PDE1C: variants seen among roughly 807,000 people sequenced by gnomAD.
PDE1C encodes phosphodiesterase 1C, also known as dual specificity calcium/calmodulin-dependent 3',5'-cyclic nucleotide phosphodiesterase 1C.
A neutral mutation model predicts 93.1 loss-of-function variants in PDE1C; 62 were observed. The observed-to-expected ratio is 0.67, with a 90% CI of 0.54 to 0.82. The LOEUF is 0.82. Among genes scored for constraint, PDE1C ranks in the 40% least tolerant of loss-of-function variants. The probability of loss-of-function intolerance (pLI) is 0.00; values close to 1 mark genes in which losing one functional copy is unlikely to be tolerated. For missense variants in PDE1C, 742 were observed against 884.6 expected (o/e 0.84, Z 2.04); for synonymous variants, 325 against 310.1 (o/e 1.05, Z -0.50).
At chr7:31,679,711 C>T in the PDE1C span, among the ~76,000 whole-genome samples, 29 of 152,290 alleles carry the variant, frequency 1.9e-4, no homozygotes, top group Non-Finnish European at 2.2e-4. Flanking sequence ...CCCCCATAAA[C>T]GGTGCGTTGT....
At chr7:31,811,512 A>T (rs534742876) in intron 15 of PDE1C, among the ~76,000 whole-genome samples, 1 of 152,060 alleles carries the variant, frequency 6.6e-6, no homozygotes, top group Admixed American at 6.6e-5. Context: ...GTCCCACAAA[A>T]CAGTCCAAAT....
intron 3 of PDE1C, among the ~76,000 whole-genome samples, chr7:32,097,498 T>C (rs1797812331): frequency 1.3e-5 from 2 of 152,164 alleles, no homozygotes; most frequent in South Asian, 4.1e-4. Flanking sequence ...AGCAATTTTG[T>C]CTGCTGCCCA....
the PDE1C span, among the ~76,000 whole-genome samples, chr7:31,723,512 G>A: frequency 7.0e-4 from 107 of 152,286 alleles, 1 homozygote; most frequent in Non-Finnish European, 1.0e-3. Context: ...GCCTGTGAAA[G>A]TCCCTTTATT....
At chr7:31,747,517 T>G (rs1794030965), downstream of PDE1C, among the ~76,000 whole-genome samples, 2 of 152,192 alleles carry the variant, frequency 1.3e-5, no homozygotes, top group South Asian at 4.1e-4. Flanking sequence ...TGATGAGTTC[T>G]TCCTACCTCC....
intron 2 of PDE1C, among the ~76,000 whole-genome samples, chr7:31,918,171 A>G (rs773869204): frequency 3.3e-5 from 5 of 152,180 alleles, no homozygotes; most frequent in Non-Finnish European, 5.9e-5. Context: ...AATGATAGAT[A>G]TCAATTAAAT....
intron 2 of PDE1C, among the ~76,000 whole-genome samples, chr7:31,958,807 T>C (rs1374424007): frequency 6.6e-6 from 1 of 152,172 alleles, no homozygotes; most frequent in Non-Finnish European, 1.5e-5. Flanking sequence ...CAAAGAAATC[T>C]TCCCCTGGAT....
At chr7:31,787,855 C>T (rs1476745998) in intron 16 of PDE1C, 1 of 152,184 alleles carries the variant, frequency 6.6e-6, no homozygotes, top group Non-Finnish European at 1.5e-5. Context: ...AATGTTTTAT[C>T]AGCTCCAGTA....
chr7:32,341,550 AAAC>A (rs1369187828), intron 1 of PDE1C, among the ~76,000 whole-genome samples: 12 of 152,154 alleles, frequency 7.9e-5, no homozygotes, highest in South Asian at 6.2e-4. Flanking sequence ...GAAAGAGCCC[AAAC>A]AACAGGCTAT....
At chr7:31,686,359 C>T in the PDE1C span, among the ~76,000 whole-genome samples, 30 of 152,170 alleles carry the variant, frequency 2.0e-4, no homozygotes, top group East Asian at 9.6e-4. Context: ...GCATGTCTCC[C>T]GCCTCTCCCA....
At chr7:31,761,576 G>C (rs1794835366) in intron 17 of PDE1C, among the ~76,000 whole-genome samples, 1 of 152,172 alleles carries the variant, frequency 6.6e-6, no homozygotes, top group Admixed American at 6.6e-5. Context: ...AGTCTAGCCA[G>C]GCAAGCTCCA....
chr7:32,136,300 C>G (rs1800204580), intron 3 of PDE1C, among the ~76,000 whole-genome samples: 1 of 152,076 alleles, frequency 6.6e-6, no homozygotes, highest in African/African-American at 2.4e-5. Flanking sequence ...TATAAAATCT[C>G]TATCTGACAG....
intron 2 of PDE1C, among the ~76,000 whole-genome samples, chr7:31,969,780 G>A (rs1460261195): frequency 6.6e-6 from 1 of 152,136 alleles, no homozygotes; most frequent in Non-Finnish European, 1.5e-5. Flanking sequence ...AAGAAAATGT[G>A]GCACATATAC....
At chr7:31,628,403 C>G in the PDE1C span, among the ~76,000 whole-genome samples, 1 of 152,014 alleles carries the variant, frequency 6.6e-6, no homozygotes, top group Non-Finnish European at 1.5e-5. Context: ...AATCCCACAT[C>G]TGTCCCCCAG....
chr7:31,919,304 A>G (rs1802322298), intron 2 of PDE1C, among the ~76,000 whole-genome samples: 2 of 152,308 alleles, frequency 1.3e-5, no homozygotes, highest in Admixed American at 1.3e-4. Flanking sequence ...CACCTCTGCC[A>G]CTGACGAGAT....
intron 1 of PDE1C, among the ~76,000 whole-genome samples, chr7:32,244,962 A>G (rs4995487): frequency 5.3e-5 from 8 of 152,256 alleles, no homozygotes; most frequent in Admixed American, 2.6e-4. Flanking sequence ...GTCCCTGGGA[A>G]GGCCCAGCTA....
intron 2 of PDE1C, among the ~76,000 whole-genome samples, chr7:31,996,895 AGAT>A (rs1784793964): frequency 6.6e-6 from 1 of 152,242 alleles, no homozygotes; most frequent in Non-Finnish European, 1.5e-5. Flanking sequence ...CAGATATCAG[AGAT>A]GAGAATTACT....
At chr7:32,410,712 T>C (rs1460543138) in intron 1 of PDE1C, among the ~76,000 whole-genome samples, 1 of 152,166 alleles carries the variant, frequency 6.6e-6, no homozygotes, top group African/African-American at 2.4e-5. Flanking sequence ...ATTTCTTCCC[T>C]GCTCCTCCGC....
Position 32,044,517 on chromosome 7 carries a change from G to A in PDE1C, c.128+7037C>T, listed in dbSNP as rs547667511. On this transcript the variant is annotated intron_variant, in intron 2 of 17. Transcript: ENST00000396191. ...CATAGAAGGCACAATCAGAGGAGCT[G>A]TGGAGAAAGTAATCAGACATAGGTA... Among the ~76,000 whole-genome samples, 3 of 152,270 alleles carry A rather than the reference G, an allele frequency of 2.0e-5. No homozygotes were observed. In the South Asian group the frequency reaches 6.2e-4, roughly 32 times the overall value.
intron 6 of PDE1C, 106 bp from the exon 7 acceptor site, chr7:31,865,188 T>C (rs2128839730): frequency 1.9e-6 from 2 of 1,031,194 alleles, no homozygotes; most frequent in Admixed American, 4.5e-5. Context: ...GCATAACACA[T>C]GAGGAAATTG....
Sources: allele counts gnomAD v4.1 joint callset (sites outside exome capture counted in the v4.1 genomes callset), GRCh38; gene constraint gnomAD v4.1.1; transcripts MANE v1.5; gene names NCBI Gene and HGNC (gene_info 2026-07-23, HGNC 2026-07-21).